PTPN5: variants seen among roughly 807,000 people sequenced by gnomAD.
PTPN5 encodes tyrosine-protein phosphatase non-receptor type 5.
In PTPN5, 29 loss-of-function variants were observed where a neutral mutation model predicts 73.9. That is an observed-to-expected ratio of 0.39 (90% CI 0.29 to 0.54). The LOEUF is 0.54. PTPN5 is among the 20% of genes least tolerant of loss of function. The pLI, the probability that PTPN5 is intolerant of heterozygous loss-of-function variation, is 0.65. For missense variants in PTPN5, 652 were observed against 751.4 expected (o/e 0.87, Z 1.55); for synonymous variants, 267 against 304.7 (o/e 0.88, Z 1.29).
intron 9 of PTPN5, among the ~76,000 whole-genome samples, chr11:18,737,195 A>G (rs554199348): frequency 4.1e-4 from 62 of 152,286 alleles, no homozygotes; most frequent in Admixed American, 1.8e-3. Flanking sequence ...GAGGCTTGAT[A>G]AAAGTTATCT....
At chr11:18,764,488 G>C (rs563863444) in intron 3 of PTPN5, among the ~76,000 whole-genome samples, 1 of 152,302 alleles carries the variant, frequency 6.6e-6, no homozygotes, top group Admixed American at 6.5e-5. Flanking sequence ...TGCATCAAAG[G>C]GCTTCCTCAG....
chr11:18,743,539 C>T, intron 4 of PTPN5, 110 bp from the exon 5 acceptor site: 2 of 976,118 alleles, frequency 2.0e-6, no homozygotes, highest in Non-Finnish European at 3.2e-6. Flanking sequence ...GCTCCTGAAC[C>T]TCTAAGGTCC....
At chr11:18,759,657 C>T (rs781201868) in intron 3 of PTPN5, among the ~76,000 whole-genome samples, 14 of 152,302 alleles carry the variant, frequency 9.2e-5, no homozygotes, top group Non-Finnish European at 1.9e-4. Flanking sequence ...AAAAACTCAT[C>T]GTACCATCAA....
rs746743418 is a variant in PTPN5 at position 18,744,106 on chromosome 11, G to A, written c.191C>T (p.Pro64Leu). Reference sequence around the variant, plus strand: ...TGGCTTCTGAGCTGGATCTGAGGGCGGCGAGGGAGGAGGGGGTGGCGGCAT... The same window carrying A: ...TGGCTTCTGAGCTGGATCTGAGGGCAGCGAGGGAGGAGGGGGTGGCGGCAT... ...REMPPPPPPS[P>L]PSDPAQKPPP... is the part of the protein sequence containing the mutation. The change falls in exon 4 of 15, where the codon CCG (proline) becomes CTG (leucine). Residue 64 changes from proline to leucine, a missense_variant. Pro to Leu is a moderately conservative substitution (Grantham distance 98). Transcript: ENST00000358540. 6.2e-6 allele frequency: 10 copies of A among 1,611,404 alleles called. No individual in the cohort carries two copies. The highest frequency in any genetic ancestry group is 2.2e-5 in the South Asian group (2 of 90,684).
chr11:18,769,621 T>G (rs1189121019), intron 2 of PTPN5, among the ~76,000 whole-genome samples: 1 of 152,012 alleles, frequency 6.6e-6, no homozygotes, highest in Non-Finnish European at 1.5e-5. Flanking sequence ...CAGGCTGGTC[T>G]CAAACTCCTG....
chr11:18,756,109 G>C (rs1304840725), intron 3 of PTPN5, among the ~76,000 whole-genome samples: 1 of 151,300 alleles, frequency 6.6e-6, no homozygotes, highest in Admixed American at 6.6e-5. Context: ...GTCCTCAGAA[G>C]AAGGATGCTG....
At chr11:18,780,263 C>T (rs190308637) in intron 1 of PTPN5, among the ~76,000 whole-genome samples, 1 of 152,304 alleles carries the variant, frequency 6.6e-6, no homozygotes, top group Admixed American at 6.5e-5. Flanking sequence ...TCCAGGTCCC[C>T]AAGTCAGACC....
At chr11:18,755,050 A>T (rs977898457) in intron 3 of PTPN5, among the ~76,000 whole-genome samples, 1 of 152,152 alleles carries the variant, frequency 6.6e-6, no homozygotes, top group Non-Finnish European at 1.5e-5. Flanking sequence ...AGAGACTGTG[A>T]CTTCCATCTT....
At chr11:18,754,740 C>T (rs144385916) in intron 3 of PTPN5, among the ~76,000 whole-genome samples, 2 of 152,230 alleles carry the variant, frequency 1.3e-5, no homozygotes, top group African/African-American at 2.4e-5. Context: ...GTCATCCATA[C>T]TCTTGCCTCA....
At chr11:18,773,999 C>T (rs1851031445) in intron 1 of PTPN5, among the ~76,000 whole-genome samples, 1 of 152,240 alleles carries the variant, frequency 6.6e-6, no homozygotes, top group African/African-American at 2.4e-5. Context: ...CCTCTTTGCA[C>T]CCCTCCTTAA....
intron 1 of PTPN5, among the ~76,000 whole-genome samples, chr11:18,777,955 GAAGA>G (rs1564929278): frequency 5.6e-5 from 8 of 143,248 alleles, no homozygotes; most frequent in South Asian, 2.4e-4. Flanking sequence ...AAAAAGAAAG[GAAGA>G]AAGGAAGGAA....
chr11:18,736,468 C>G (rs1383724171), intron 9 of PTPN5, among the ~76,000 whole-genome samples: 1 of 152,218 alleles, frequency 6.6e-6, no homozygotes, highest in Admixed American at 6.5e-5. Flanking sequence ...GCTGGAAGCT[C>G]CTTGTGCACA....
At chr11:18,791,863 G>C (rs1022722024), upstream of PTPN5, 1 of 152,086 alleles carries the variant, frequency 6.6e-6, no homozygotes, top group East Asian at 2.0e-4. Flanking sequence ...CCCCGGGCGG[G>C]CTTCCGCCGC....
chr11:18,767,959 C>G (rs188480943), intron 2 of PTPN5, among the ~76,000 whole-genome samples: 8 of 152,166 alleles, frequency 5.3e-5, no homozygotes, highest in African/African-American at 7.2e-5. Flanking sequence ...GCACTTGACA[C>G]GGTTAGAAAT....
intron 2 of PTPN5, among the ~76,000 whole-genome samples, chr11:18,768,737 C>T (rs911512860): frequency 3.3e-5 from 5 of 152,192 alleles, no homozygotes; most frequent in African/African-American, 4.8e-5. Flanking sequence ...TCCCTGTAGT[C>T]GAAGGACTCC....
rs552327721 is a variant in PTPN5, at chr11:18,734,343, A to G, written c.1001-708T>C. Among the ~76,000 whole-genome samples, 24 of 152,276 alleles carry G rather than the reference A, an allele frequency of 1.6e-4. No individual in the cohort carries two copies. The East Asian group carries it at 4.4e-3, about 28-fold the overall frequency. On this transcript the variant is annotated intron_variant, in intron 9 of 14. Coordinates refer to ENST00000358540, the MANE Select transcript of PTPN5 (RefSeq NM_006906.2). Reference sequence around the variant, plus strand: ...TTATTCACATGTCAAATCCCATAGTAAAAGGGTCTCTGTCACTCAGCTGGA... The same window carrying G: ...TTATTCACATGTCAAATCCCATAGTGAAAGGGTCTCTGTCACTCAGCTGGA...
At chr11:18,760,460 C>A (rs921756139) in intron 3 of PTPN5, among the ~76,000 whole-genome samples, 17 of 152,160 alleles carry the variant, frequency 1.1e-4, no homozygotes, top group African/African-American at 4.1e-4. Context: ...CCACTTAATA[C>A]CCACAATGAT....
intron 3 of PTPN5, among the ~76,000 whole-genome samples, chr11:18,757,150 T>A (rs1280036285): frequency 6.6e-6 from 1 of 152,106 alleles, no homozygotes; most frequent in Non-Finnish European, 1.5e-5. Context: ...CATAAAAAAA[T>A]GAGCTGTGAA....
intron 3 of PTPN5, among the ~76,000 whole-genome samples, chr11:18,749,196 C>T (rs1461103970): frequency 2.6e-5 from 4 of 152,292 alleles, no homozygotes; most frequent in East Asian, 1.9e-4. Context: ...TAGTTCACAG[C>T]GAGGTAGCTG....
Sources: gnomAD v4.1 joint callset for allele counts (sites outside exome capture counted in the v4.1 genomes callset) on GRCh38, gnomAD v4.1.1 for gene constraint, MANE v1.5 for transcripts, NCBI Gene and HGNC (gene_info 2026-07-23, HGNC 2026-07-21) for gene names.